NACC2: variants seen among roughly 807,000 people sequenced by gnomAD.
NACC2 encodes NACC family member 2.
Under a neutral mutation model 25.1 loss-of-function variants are expected in NACC2, and 8 were observed. The ratio of observed to expected loss-of-function variants is 0.32; its 90% CI spans 0.19 to 0.57. NACC2 has a LOEUF of 0.57. Among genes scored for constraint, NACC2 ranks in the 20% least tolerant of loss-of-function variants. NACC2 has a pLI of 0.89. For missense variants in NACC2, 644 were observed against 650.2 expected, an observed-to-expected ratio of 0.99 and a Z score of 0.10; for synonymous variants, 435 against 294.7, an observed-to-expected ratio of 1.48 and a Z score of -4.88.
At position 136,020,473 on chromosome 9, in the gene NACC2, G is replaced by A. The variant is rs1564219375; in HGVS notation, c.887-4044C>T. 6.6e-6 allele frequency among the ~76,000 whole-genome samples: 1 copy of A among 152,238 alleles called. No homozygotes were observed. ...GACCACGCAGGCAGCCCCACCAGGG[G>A]AGTCTGTGCGGATGTGGGCGGCAGT... On this transcript the variant is annotated intron_variant, in intron 2 of 5. Transcript: ENST00000277554. This position sits in a 1 kb window ranked among gnomAD's most constrained non-coding sequence, Gnocchi z 4.7.
In NACC2 at chr9:136,013,281, G is replaced by A. The variant is rs1316311151; in HGVS notation, c.1173C>T (p.Asn391=). Residue 391 remains asparagine (N), a synonymous_variant, in exon 5 of 6, where the codon AAC becomes AAT. Transcript: ENST00000277554. This position sits in a 1 kb window ranked among gnomAD's most constrained non-coding sequence, Gnocchi z 6.6. ...ATFFDRNTLA[N]SCGTGIRSST... ...ACGAGCGGATGCCAGTCCCGCAGCT[G>A]TTGGCCAGCGTGTTCCTGGTGGAGG... is the stretch of plus-strand genomic sequence containing the variant. 1.2e-6 allele frequency: 2 copies of A among 1,612,258 alleles called. No homozygotes were observed. The highest frequency in any genetic ancestry group is 2.7e-5 in the African/African-American group (2 of 74,890).
In NACC2 at chr9:136,055,706, T is replaced by C. The variant is rs188489907; in HGVS notation, c.-59-5126A>G. ...ATTTCACCAATCTAATAAGAGGTTC[T>C]GGACCTCAGCAAATGCACAGCCATT... On this transcript the variant is annotated intron_variant, in intron 1 of 5. Coordinates refer to ENST00000277554, the MANE Select transcript of NACC2 (RefSeq NM_144653.5). This position sits in a 1 kb window ranked among gnomAD's most constrained non-coding sequence, Gnocchi z 4.9. Among the ~76,000 whole-genome samples the C allele has an allele frequency of 2.0e-4, 31 of 152,346 alleles. No homozygotes were observed. In the East Asian group the frequency reaches 5.6e-3, roughly 27 times the overall value.
chr9:136,043,276 T>TA (rs969516614), intron 2 of NACC2, among the ~76,000 whole-genome samples: 5 of 152,210 alleles, frequency 3.3e-5, no homozygotes, highest in African/African-American at 4.8e-5. Flanking sequence ...ATCTAATTTT[T>TA]AAAAAATGGA....
At chr9:136,045,224 C>G (rs1163644838) in intron 2 of NACC2, among the ~76,000 whole-genome samples, 2 of 152,198 alleles carry the variant, frequency 1.3e-5, no homozygotes, top group East Asian at 1.9e-4. Flanking sequence ...ACAGGGGACA[C>G]CGGGTGGACC....
intron 2 of NACC2, among the ~76,000 whole-genome samples, chr9:136,026,837 G>A (rs1224616241): frequency 6.6e-6 from 1 of 152,212 alleles, no homozygotes. Flanking sequence ...GCAACAGGAG[G>A]TCAGAGGGGA....
rs1236376217 is a variant in NACC2, at chr9:136,049,624, C to T, written c.886+12G>A. 3 of 770,984 alleles carry T rather than the reference C, an allele frequency of 3.9e-6. No individual in the cohort carries two copies. Among genetic ancestry groups the T allele is most frequent in the Non-Finnish European group, 7.3e-6 (3 of 413,780 alleles). 47.8% of individuals were successfully genotyped at this position (770,984 alleles called of 1,614,324 possible). ...CAGCCAGGTGGTGTGGGGCTCCACC[C>T]CGCCGCGTTACCTGCATAGCTGCCG... On this transcript the variant is annotated intron_variant, in intron 2 of 5. Transcript: ENST00000277554.
In NACC2 at chr9:136,010,068, T is replaced by C. The variant is rs1840081308; in HGVS notation, c.*1448A>G. On this transcript the variant is annotated 3_prime_UTR_variant, in exon 6 of 6. Coordinates refer to ENST00000277554, the MANE Select transcript of NACC2 (RefSeq NM_144653.5). This position sits in a 1 kb window ranked among gnomAD's most constrained non-coding sequence, Gnocchi z 4.9. Reference sequence around the variant, plus strand: ...CCACACCAGCACTTCACACAGGACTTCACACAGTCTGTGAGCCCTACCACT... The same window carrying C: ...CCACACCAGCACTTCACACAGGACTCCACACAGTCTGTGAGCCCTACCACT... 1 of 152,134 alleles carries C rather than the reference T, an allele frequency of 6.6e-6. No individual in the cohort carries two copies. The highest frequency in any genetic ancestry group is 2.1e-4 in the South Asian group (1 of 4,838). 9.4% of individuals were successfully genotyped at this position (152,134 alleles called of 1,614,324 possible).
At chr9:136,045,198 C>A (rs926783482) in intron 2 of NACC2, among the ~76,000 whole-genome samples, 11 of 152,018 alleles carry the variant, frequency 7.2e-5, no homozygotes, top group Admixed American at 2.0e-4. Context: ...GACCCCCATG[C>A]CCTGCAGAGA....
intron 2 of NACC2, among the ~76,000 whole-genome samples, chr9:136,017,132 C>A (rs1840215158): frequency 6.6e-6 from 1 of 152,186 alleles, no homozygotes; most frequent in African/African-American, 2.4e-5. Flanking sequence ...ACCGCCACCG[C>A]CACCAGGGGC....
intron 2 of NACC2, 45 bp from the exon 3 acceptor site, chr9:136,016,474 C>T (rs140314660): frequency 3.1e-5 from 49 of 1,606,512 alleles, no homozygotes; most frequent in African/African-American, 2.8e-4. Flanking sequence ...TCTGGGGGGC[C>T]GGGCTGCTCT....
chr9:136,041,396 G>C (rs1392914365), intron 2 of NACC2, among the ~76,000 whole-genome samples: 2 of 151,870 alleles, frequency 1.3e-5, no homozygotes, highest in East Asian at 3.9e-4. Context: ...CTCCAGCCTG[G>C]GTAAGAGTGA....
At chr9:136,061,285 C>T (rs1350384191) in intron 1 of NACC2, among the ~76,000 whole-genome samples, 1 of 152,218 alleles carries the variant, frequency 6.6e-6, no homozygotes, top group Non-Finnish European at 1.5e-5. Flanking sequence ...GCTGCCCCAG[C>T]CTCCAGCCAC....
chr9:136,065,877 G>C (rs1841073496), intron 1 of NACC2, among the ~76,000 whole-genome samples: 1 of 151,710 alleles, frequency 6.6e-6, no homozygotes, highest in Non-Finnish European at 1.5e-5. Flanking sequence ...TAAAAATCTT[G>C]TGCTTCAAAG....
intron 2 of NACC2, among the ~76,000 whole-genome samples, chr9:136,038,123 C>T (rs1401659675): frequency 6.6e-6 from 1 of 152,144 alleles, no homozygotes; most frequent in Non-Finnish European, 1.5e-5. Flanking sequence ...AACAGATTAG[C>T]GGTGGCCGGG....
chr9:136,093,932 C>CAGGAGGGA (rs1472281580), intron 1 of NACC2, among the ~76,000 whole-genome samples: 178 of 152,200 alleles, frequency 1.2e-3, no homozygotes, highest in African/African-American at 4.1e-3. Flanking sequence ...CACTGGAGAA[C>CAGGAGGGA]AGGAGGGAAG....
In NACC2 at chr9:136,084,388, G is replaced by A. The variant is rs1004330196; in HGVS notation, c.-60+10801C>T. On this transcript the variant is annotated intron_variant, in intron 1 of 5. Transcript: ENST00000277554. This position sits in a 1 kb window ranked among gnomAD's most constrained non-coding sequence, Gnocchi z 5.1. Reference sequence around the variant, plus strand: ...GCTTCCGAGACTCATCCATCACACAGACACCTCCTACGCAATGTCCGGTCT... The same window carrying A: ...GCTTCCGAGACTCATCCATCACACAAACACCTCCTACGCAATGTCCGGTCT... 6.6e-6 allele frequency among the ~76,000 whole-genome samples: 1 copy of A among 152,104 alleles called. No homozygotes were observed. Among genetic ancestry groups the A allele is most frequent in the African/African-American group, 2.4e-5 (1 of 41,396 alleles).
At chr9:136,080,547 T>C (rs1276153817) in intron 1 of NACC2, among the ~76,000 whole-genome samples, 9 of 151,580 alleles carry the variant, frequency 5.9e-5, no homozygotes, top group Admixed American at 1.3e-4. Flanking sequence ...CCAGCCTGGG[T>C]AACAACAGCG....
chr9:136,052,135 T>C (rs1358144101), intron 1 of NACC2, among the ~76,000 whole-genome samples: 4 of 151,524 alleles, frequency 2.6e-5, no homozygotes, highest in African/African-American at 9.7e-5. Context: ...AACAGTGGAG[T>C]GTTGGTGCCA....
intron 1 of NACC2, among the ~76,000 whole-genome samples, chr9:136,081,273 G>A (rs1057016451): frequency 1.4e-4 from 21 of 152,140 alleles, no homozygotes; most frequent in African/African-American, 5.1e-4. Context: ...CAGGGCAGGG[G>A]TCAGCATGCC....
Sources: allele counts gnomAD v4.1 joint callset (sites outside exome capture counted in the v4.1 genomes callset), GRCh38; gene constraint gnomAD v4.1.1; non-coding constraint Gnocchi (gnomAD v3.1); transcripts MANE v1.5; gene names NCBI Gene and HGNC (gene_info 2026-07-23, HGNC 2026-07-21).